Variants in PSD3 observed in about 807,000 individuals in gnomAD.
The protein encoded by PSD3 is PH and SEC7 domain-containing protein 3.
A neutral mutation model predicts 105.5 loss-of-function variants in PSD3; 49 were observed. The ratio of observed to expected loss-of-function variants is 0.46; its 90% CI spans 0.37 to 0.59. The LOEUF (loss-of-function observed/expected upper bound fraction) is 0.59, where lower values mean the gene tolerates loss of function less well. PSD3 is among the 20% of genes least tolerant of loss of function. The probability of loss-of-function intolerance (pLI) is 0.00; values close to 1 mark genes in which losing one functional copy is unlikely to be tolerated. For synonymous variants in PSD3, 557 were observed against 457.8 expected (o/e 1.22, Z -2.77); for missense variants, 1,561 against 1,263.8 (o/e 1.24, Z -3.57).
intron 1 of PSD3, among the ~76,000 whole-genome samples, chr8:18,964,851 T>A (rs1003902648): frequency 6.6e-6 from 1 of 152,222 alleles, no homozygotes; most frequent in African/African-American, 2.4e-5. Context: ...AGGGCTATAT[T>A]TCAGGAACTA....
At position 18,646,168 on chromosome 8, in the gene PSD3, T is replaced by C. The variant is rs143708262; in HGVS notation, c.2216+9474A>G. On this transcript the variant is annotated intron_variant, in intron 10 of 15. Transcript: ENST00000327040. ...GCCTTAGTTTTCTTGTTAGTAATGA[T>C]TGCCAACCTACAGATGGCTACATTG... 9.9e-4 allele frequency among the ~76,000 whole-genome samples: 151 copies of C among 152,266 alleles called. 3 individuals carry two copies. Among genetic ancestry groups the C allele is most frequent in the African/African-American group, 3.1e-3 (128 of 41,568 alleles).
chr8:18,778,173 T>C (rs1808273221), intron 8 of PSD3, among the ~76,000 whole-genome samples: 1 of 152,192 alleles, frequency 6.6e-6, no homozygotes, highest in Non-Finnish European at 1.5e-5. Context: ...GGTTGCTGGA[T>C]CGAATGAAAT....
At chr8:18,654,625 T>C (rs1026724516) in intron 10 of PSD3, among the ~76,000 whole-genome samples, 1 of 152,200 alleles carries the variant, frequency 6.6e-6, no homozygotes, top group African/African-American at 2.4e-5. Flanking sequence ...TCTTTAATAG[T>C]ATTTCTCAAA....
intron 8 of PSD3, among the ~76,000 whole-genome samples, chr8:18,788,963 G>C (rs988859994): frequency 6.6e-6 from 1 of 152,094 alleles, no homozygotes; most frequent in Non-Finnish European, 1.5e-5. Flanking sequence ...TTTAAAACCA[G>C]GACTACAGTG....
intron 2 of PSD3, among the ~76,000 whole-genome samples, chr8:18,915,826 G>A (rs1357756826): frequency 6.6e-6 from 1 of 152,166 alleles, no homozygotes; most frequent in Non-Finnish European, 1.5e-5. Context: ...CAGGCATGGT[G>A]GATCACGCCT....
chr8:18,789,379 T>C (rs1020314150), intron 8 of PSD3, among the ~76,000 whole-genome samples: 1 of 152,186 alleles, frequency 6.6e-6, no homozygotes, highest in Non-Finnish European at 1.5e-5. Flanking sequence ...CTAGCAACAA[T>C]TTTAAGTGCT....
chr8:18,816,946 G>C (rs1812267989), intron 4 of PSD3, among the ~76,000 whole-genome samples: 1 of 152,184 alleles, frequency 6.6e-6, no homozygotes, highest in Non-Finnish European at 1.5e-5. Flanking sequence ...CACTCAGAAA[G>C]TACCATGTGA....
intron 4 of PSD3, among the ~76,000 whole-genome samples, chr8:18,861,435 C>A (rs1816438253): frequency 1.3e-5 from 2 of 152,102 alleles, no homozygotes; most frequent in Non-Finnish European, 2.9e-5. Context: ...AAGGGTGACT[C>A]CAAAGTCTCT....
chr8:18,675,556 G>C (rs532992460), intron 9 of PSD3, among the ~76,000 whole-genome samples: 24 of 152,132 alleles, frequency 1.6e-4, no homozygotes, highest in Non-Finnish European at 2.4e-4. Context: ...GCTAGGACTA[G>C]AGCCTCAGCC....
chr8:18,973,512 A>G (rs1824765725), intron 1 of PSD3, among the ~76,000 whole-genome samples: 1 of 152,118 alleles, frequency 6.6e-6, no homozygotes. Context: ...TTCTTGGAAG[A>G]ACACCAGTCC....
chr8:18,572,399 G>A (rs1802198710), intron 14 of PSD3, 129 bp downstream of exon 14: 2 of 1,120,482 alleles, frequency 1.8e-6, no homozygotes, highest in East Asian at 4.8e-5. Flanking sequence ...TCATTTATAT[G>A]ATACGCTCTC....
chr8:18,943,357 T>C (rs1465279501), intron 1 of PSD3, among the ~76,000 whole-genome samples: 1 of 152,206 alleles, frequency 6.6e-6, no homozygotes, highest in Admixed American at 6.5e-5. Context: ...AATATACACA[T>C]TTGCATTTGC....
At chr8:18,699,694 G>T (rs140632436) in intron 9 of PSD3, among the ~76,000 whole-genome samples, 1 of 152,226 alleles carries the variant, frequency 6.6e-6, no homozygotes, top group Admixed American at 6.5e-5. Flanking sequence ...GAATTCAAAT[G>T]ATATAAAAAT....
chr8:19,045,489 A>G (rs1052932142), intron 1 of PSD3, among the ~76,000 whole-genome samples: 3 of 152,198 alleles, frequency 2.0e-5, no homozygotes, highest in Non-Finnish European at 4.4e-5. Context: ...ACAAACAATA[A>G]GCATTTCTAA....
At chr8:18,747,497 G>A (rs1017439334) in intron 9 of PSD3, among the ~76,000 whole-genome samples, 20 of 152,176 alleles carry the variant, frequency 1.3e-4, no homozygotes, top group African/African-American at 4.6e-4. Context: ...ACAGGTGAAA[G>A]CAACAGCAAT....
chr8:18,739,632 A>G (rs1212007373), intron 9 of PSD3, among the ~76,000 whole-genome samples: 1 of 152,222 alleles, frequency 6.6e-6, no homozygotes, highest in Non-Finnish European at 1.5e-5. Context: ...GCTCTAATTT[A>G]TCCTATTTAT....
intron 11 of PSD3, among the ~76,000 whole-genome samples, chr8:18,630,173 C>T (rs191608484): frequency 8.6e-5 from 13 of 151,614 alleles, no homozygotes; most frequent in East Asian, 7.8e-4. Flanking sequence ...GAAAGCAGGA[C>T]GAACTTCCTA....
At chr8:18,770,891 C>A (rs1807456270) in intron 8 of PSD3, among the ~76,000 whole-genome samples, 1 of 152,164 alleles carries the variant, frequency 6.6e-6, no homozygotes, top group Non-Finnish European at 1.5e-5. Flanking sequence ...AAAGAGGTTG[C>A]ACAAACAAAT....
chr8:19,038,436 A>G, intron 1 of PSD3, among the ~76,000 whole-genome samples: 1 of 152,064 alleles, frequency 6.6e-6, no homozygotes, highest in East Asian at 1.9e-4. Flanking sequence ...TATTCCCCCT[A>G]GACCCCACAT....
Sources: allele counts gnomAD v4.1 joint callset (sites outside exome capture counted in the v4.1 genomes callset), GRCh38; gene constraint gnomAD v4.1.1; transcripts MANE v1.5; gene names NCBI Gene and HGNC (gene_info 2026-07-23, HGNC 2026-07-21).